ZHX2: variants seen among roughly 807,000 people sequenced by gnomAD.
The protein encoded by ZHX2 is zinc fingers and homeoboxes 2.
ZHX2 carries 6 observed loss-of-function variants against 21.9 expected under a neutral mutation model. The ratio of observed to expected loss-of-function variants is 0.27; its 90% confidence interval spans 0.15 to 0.54. The LOEUF (loss-of-function observed/expected upper bound fraction) is 0.54, where lower values mean the gene tolerates loss of function less well. ZHX2 is among the 20% of genes least tolerant of loss of function. ZHX2 has a pLI of 0.95. For synonymous variants in ZHX2, 434 were observed against 437.1 expected, an observed-to-expected ratio of 0.99 and a Z score of 0.09; for missense variants, 908 against 1,090.7, an observed-to-expected ratio of 0.83 and a Z score of 2.36.
At chr8:122,789,445 T>C (rs1817467871) in intron 1 of ZHX2, among the ~76,000 whole-genome samples, 1 of 152,096 alleles carries the variant, frequency 6.6e-6, no homozygotes, top group Non-Finnish European at 1.5e-5. Flanking sequence ...AGGAGGAAGT[T>C]TAGAACTTAT....
In ZHX2 at chr8:122,953,954, C is replaced by T. The variant is rs775729112; in HGVS notation, c.2444C>T (p.Ala815Val). The change falls in exon 3 of 4, where the codon GCG becomes GTG. Residue 815 changes from alanine (A) to valine (V), a missense_variant. This residue lies in a region of ZHX2 where 431 missense variants were observed against 428.6 expected (regional missense o/e 1.01). Transcript: ENST00000314393. This position sits in a 1 kb window ranked among gnomAD's most constrained non-coding sequence, Gnocchi z 4.6. ...SDRSDSWSQA[A>V]AEGVSELAES... is the part of the protein sequence containing the mutation. ...AGATCAGATAGCTGGAGTCAGGCTG[C>T]GGCAGAAGGTGTGTCGGAACTGGCT... 9.9e-6 allele frequency: 16 copies of T among 1,614,020 alleles called. No individual in the cohort carries two copies. Among genetic ancestry groups the T allele is most frequent in the Non-Finnish European group, 1.1e-5 (13 of 1,179,954 alleles).
intron 2 of ZHX2, among the ~76,000 whole-genome samples, chr8:122,906,254 G>A (rs1465147583): frequency 6.6e-6 from 1 of 152,132 alleles, no homozygotes; most frequent in Non-Finnish European, 1.5e-5. Context: ...TATAAAATAA[G>A]GCTAAAAGTA....
At chr8:122,809,638 C>T (rs1416477938) in intron 1 of ZHX2, among the ~76,000 whole-genome samples, 1 of 152,208 alleles carries the variant, frequency 6.6e-6, no homozygotes, top group Non-Finnish European at 1.5e-5. Flanking sequence ...TTTTAGACAA[C>T]AAGCAACCGA....
chr8:122,784,547 C>T (rs1226267640), intron 1 of ZHX2, among the ~76,000 whole-genome samples: 2 of 152,172 alleles, frequency 1.3e-5, no homozygotes, highest in Non-Finnish European at 2.9e-5. Context: ...GAACAGTAGC[C>T]ACTGTCCTGA....
At position 122,825,089 on chromosome 8, in the gene ZHX2, G is replaced by C. The variant is rs545181535; in HGVS notation, c.-282-38388G>C. On this transcript the variant is annotated intron_variant, in intron 1 of 3. Transcript: ENST00000314393. ...CCATCTCAAGATCCTGAACCTAATCGCATCTGCAGAGTCCTTTCTGCCATG... is the reference window on the plus strand; with the variant it reads ...CCATCTCAAGATCCTGAACCTAATCCCATCTGCAGAGTCCTTTCTGCCATG... Among the ~76,000 whole-genome samples, 10 of 152,272 alleles carry C rather than the reference G, an allele frequency of 6.6e-5. No homozygotes were observed. The East Asian group carries it at 1.9e-3, about 29-fold the overall frequency.
chr8:122,803,597 A>T (rs1817760796), intron 1 of ZHX2, among the ~76,000 whole-genome samples: 1 of 152,244 alleles, frequency 6.6e-6, no homozygotes, highest in Non-Finnish European at 1.5e-5. Context: ...AACTGTCTCC[A>T]GATTTTGTCA....
At chr8:122,877,491 C>T (rs971401674) in intron 2 of ZHX2, among the ~76,000 whole-genome samples, 1 of 152,118 alleles carries the variant, frequency 6.6e-6, no homozygotes, top group African/African-American at 2.4e-5. Context: ...CATTGTTATC[C>T]TCACCTTGCA....
chr8:122,871,095 T>G (rs970627738), intron 2 of ZHX2, among the ~76,000 whole-genome samples: 4 of 152,144 alleles, frequency 2.6e-5, no homozygotes, highest in Non-Finnish European at 5.9e-5. Flanking sequence ...GTGGCTTCAA[T>G]TCACATCCTG....
chr8:122,804,248 A>C (rs1046837878), intron 1 of ZHX2, among the ~76,000 whole-genome samples: 1 of 152,130 alleles, frequency 6.6e-6, no homozygotes, highest in Non-Finnish European at 1.5e-5. Context: ...AGCTGGGACC[A>C]CAGGCGTGCA....
chr8:122,952,077 T>G lies in ZHX2; in HGVS notation c.567T>G (p.Pro189=). The change falls in exon 3 of 4, where the codon CCT becomes CCG. Residue 189 remains proline, a synonymous_variant. Transcript: ENST00000314393. The surrounding 1 kb of genome is among the most constrained non-coding windows in gnomAD (Gnocchi z 6.9). ...TGAGTAAAACCCCCATCATGAAGCC[T>G]GGAAAACCAAAAGCGGATGCCAAGA... ...ISVSKTPIMK[P]GKPKADAKKV... The G allele has an allele frequency of 6.2e-7, 1 of 1,613,348 alleles. No homozygotes were observed. The highest frequency in any genetic ancestry group is 8.5e-7 in the Non-Finnish European group (1 of 1,179,876).
chr8:122,957,643 T>C (rs1383634511), intron 3 of ZHX2, among the ~76,000 whole-genome samples: 3 of 151,842 alleles, frequency 2.0e-5, no homozygotes, highest in East Asian at 1.9e-4. Context: ...AATTTTTCTA[T>C]TTTTTTTAGT....
At chr8:122,941,054 A>AC (rs1401674437) in intron 2 of ZHX2, among the ~76,000 whole-genome samples, 1 of 144,854 alleles carries the variant, frequency 6.9e-6, no homozygotes, top group East Asian at 2.0e-4. Flanking sequence ...ATATAATGAG[A>AC]CCCCTATCTC....
At chr8:122,947,886 G>C (rs142438595) in intron 2 of ZHX2, among the ~76,000 whole-genome samples, 2 of 152,070 alleles carry the variant, frequency 1.3e-5, no homozygotes, top group African/African-American at 2.4e-5. Context: ...CTCTGGAGGC[G>C]TGAAAAGTAT....
chr8:122,792,913 G>T (rs1367562216), intron 1 of ZHX2, among the ~76,000 whole-genome samples: 1 of 152,168 alleles, frequency 6.6e-6, no homozygotes, highest in Non-Finnish European at 1.5e-5. Context: ...CCCGGTCCAG[G>T]CCCTGCCACC....
intron 2 of ZHX2, among the ~76,000 whole-genome samples, chr8:122,893,679 T>C (rs1343150146): frequency 6.6e-6 from 1 of 152,182 alleles, no homozygotes; most frequent in African/African-American, 2.4e-5. Flanking sequence ...TTTGGCTCTT[T>C]TTATATCTCT....
At chr8:122,964,454 G>T (rs1338026427) in intron 3 of ZHX2, among the ~76,000 whole-genome samples, 1 of 151,874 alleles carries the variant, frequency 6.6e-6, no homozygotes, top group Non-Finnish European at 1.5e-5. Context: ...CATTTGACTT[G>T]TGTATGTTAA....
intron 2 of ZHX2, among the ~76,000 whole-genome samples, chr8:122,912,081 C>A (rs1206323350): frequency 6.6e-6 from 1 of 152,174 alleles, no homozygotes; most frequent in East Asian, 1.9e-4. Context: ...AAGACTTTCC[C>A]CACATTTTTG....
intron 2 of ZHX2, among the ~76,000 whole-genome samples, chr8:122,943,315 A>G (rs1231427076): frequency 6.6e-6 from 1 of 152,322 alleles, no homozygotes; most frequent in South Asian, 2.1e-4. Context: ...CCTACGCCAG[A>G]CACACTGAAT....
At chr8:122,803,307 C>T (rs1335069511) in intron 1 of ZHX2, among the ~76,000 whole-genome samples, 1 of 152,210 alleles carries the variant, frequency 6.6e-6, no homozygotes, top group African/African-American at 2.4e-5. Flanking sequence ...CCGGCCCCGC[C>T]TCAGAGGTGC....
Sources: gnomAD v4.1 joint callset for allele counts (sites outside exome capture counted in the v4.1 genomes callset) on GRCh38, gnomAD v4.1.1 for gene constraint, gnomAD v4.1.1 regional missense constraint, Gnocchi (gnomAD v3.1) non-coding constraint, MANE v1.5 for transcripts, NCBI Gene and HGNC (gene_info 2026-07-23, HGNC 2026-07-21) for gene names.